CCND3: variants seen among roughly 807,000 people sequenced by gnomAD.
CCND3 encodes G1/S-specific cyclin-D3.
In CCND3, 9 loss-of-function variants were observed where a neutral mutation model predicts 28.7. The observed-to-expected ratio is 0.31, with a 90% CI of 0.19 to 0.55. CCND3 has a LOEUF of 0.55. Ranked by LOEUF, CCND3 falls within the 20% of genes least tolerant of loss-of-function variation. The pLI is 0.93. For synonymous variants in CCND3, 164 were observed against 163.9 expected (o/e 1.00, Z 0.00); for missense variants, 315 against 385.8 (o/e 0.82, Z 1.54).
intron 2 of CCND3, chr6:41,937,871 AG>A: frequency 1.2e-5 from 2 of 172,026 alleles, no homozygotes; most frequent in South Asian, 1.1e-4. Context: ...TCTGCATCCC[AG>A]CCAAGTCCAC....
chr6:41,969,381 T>C (rs1046820953), intron 1 of CCND3, among the ~76,000 whole-genome samples: 5 of 151,294 alleles, frequency 3.3e-5, no homozygotes, highest in Admixed American at 3.3e-4. Context: ...CTGGGCATAG[T>C]GGCGCACGCC....
chr6:41,986,308 T>C (rs534205240), intron 1 of CCND3, among the ~76,000 whole-genome samples: 1 of 152,194 alleles, frequency 6.6e-6, no homozygotes, highest in African/African-American at 2.4e-5. Flanking sequence ...TTTCTATTTC[T>C]GTAAAAAATG....
rs145920031 is a variant in CCND3, at chr6:41,936,226, G to A, written c.712-119C>T. On this transcript the variant is annotated intron_variant, in intron 4 of 4. Coordinates refer to ENST00000372991, the MANE Select transcript of CCND3 (RefSeq NM_001760.5). This position sits in a 1 kb window ranked among gnomAD's most constrained non-coding sequence, Gnocchi z 4.4. ...GTCTGGGGAGGTTAGGCCACAGCCC[G>A]GCCCCAGGAATCGCTCTTTAGTTCT... 59 of 1,121,416 alleles carry A rather than the reference G, an allele frequency of 5.3e-5. No homozygotes were observed. The East Asian group carries it at 9.5e-4, about 18-fold the overall frequency. 69.5% of individuals were successfully genotyped at this position (1,121,416 alleles called of 1,614,324 possible). A position where few individuals can be genotyped will look rare whatever the true frequency, so the allele number is the denominator to read the frequency against.
intron 1 of CCND3, among the ~76,000 whole-genome samples, chr6:41,991,546 G>A (rs144372561): frequency 6.6e-6 from 1 of 152,166 alleles, no homozygotes; most frequent in Non-Finnish European, 1.5e-5. Flanking sequence ...ACAGTGATCA[G>A]AGTAATTAGC....
At chr6:41,981,916 G>C (rs893863427) in intron 1 of CCND3, among the ~76,000 whole-genome samples, 1 of 152,108 alleles carries the variant, frequency 6.6e-6, no homozygotes, top group Admixed American at 6.6e-5. Flanking sequence ...CAGGAGGATT[G>C]CTTGAGCCCA....
intron 1 of CCND3, among the ~76,000 whole-genome samples, chr6:41,949,220 G>A (rs1383328624): frequency 2.6e-5 from 4 of 152,320 alleles, no homozygotes; most frequent in Non-Finnish European, 5.9e-5. Context: ...GGTGGCTCAT[G>A]CCTGTAATCG....
At chr6:41,954,865 C>A (rs1776402052) in intron 1 of CCND3, among the ~76,000 whole-genome samples, 1 of 152,152 alleles carries the variant, frequency 6.6e-6, no homozygotes, top group South Asian at 2.1e-4. Context: ...ATGCCTGGAG[C>A]AGCTGCAGCC....
intron 1 of CCND3, among the ~76,000 whole-genome samples, chr6:41,959,246 G>A (rs960681471): frequency 1.1e-4 from 17 of 152,090 alleles, no homozygotes; most frequent in African/African-American, 7.2e-5. Context: ...ACCAGGAGGC[G>A]GAGGTTGCGG....
intron 1 of CCND3, among the ~76,000 whole-genome samples, chr6:41,964,451 AGTCTGTGTGTGAGT>A (rs1761813310): frequency 9.1e-6 from 1 of 109,534 alleles, no homozygotes; most frequent in Non-Finnish European, 2.0e-5. Flanking sequence ...TGAATGTGTG[AGTCTGTGTGTGAGT>A]GTGTGTGTGA....
chr6:41,981,300 A>G (rs899240059), intron 1 of CCND3, among the ~76,000 whole-genome samples: 1 of 151,832 alleles, frequency 6.6e-6, no homozygotes, highest in Admixed American at 6.6e-5. Flanking sequence ...CCGCCTCCCC[A>G]GTTCAAGCAA....
chr6:42,015,198 G>A (rs1763462355), intron 1 of CCND3, among the ~76,000 whole-genome samples: 1 of 152,082 alleles, frequency 6.6e-6, no homozygotes, highest in Non-Finnish European at 1.5e-5. Flanking sequence ...TTAAACCCAG[G>A]CAGTCCAGCT....
At chr6:42,015,044 T>C (rs907116746) in intron 1 of CCND3, among the ~76,000 whole-genome samples, 1 of 152,206 alleles carries the variant, frequency 6.6e-6, no homozygotes, top group Non-Finnish European at 1.5e-5. Context: ...TACATGTACA[T>C]GCACAAACAC....
At chr6:42,047,567 C>G (rs1484355275) in intron 1 of CCND3, among the ~76,000 whole-genome samples, 1 of 152,134 alleles carries the variant, frequency 6.6e-6, no homozygotes, top group Non-Finnish European at 1.5e-5. Context: ...ACATCACCCC[C>G]AGGTGGACCC....
intron 1 of CCND3, among the ~76,000 whole-genome samples, chr6:41,965,856 C>G (rs933044418): frequency 5.3e-5 from 8 of 152,128 alleles, no homozygotes; most frequent in Admixed American, 1.3e-4. Flanking sequence ...TCTTTAAATC[C>G]GCTTGCATAT....
chr6:41,958,016 T>TTTTTTTTG (rs55718813), intron 1 of CCND3, among the ~76,000 whole-genome samples: 1 of 149,872 alleles, frequency 6.7e-6, no homozygotes, highest in African/African-American at 2.5e-5. Flanking sequence ...TTTTTTTTTT[T>TTTTTTTTG]GAGACAGAAT....
At chr6:41,956,900 A>G (rs1324993174) in intron 1 of CCND3, among the ~76,000 whole-genome samples, 18 of 152,076 alleles carry the variant, frequency 1.2e-4, no homozygotes, top group South Asian at 2.1e-4. Context: ...GCGTGGTGGC[A>G]GGCGCCTGTA....
intron 1 of CCND3, among the ~76,000 whole-genome samples, chr6:41,956,433 C>T (rs1430741299): frequency 4.6e-5 from 7 of 152,222 alleles, no homozygotes; most frequent in Admixed American, 4.6e-4. Context: ...CATTACCAAC[C>T]TGGCCAGAAC....
At chr6:42,000,233 A>ATTTTT (rs1561980601) in intron 1 of CCND3, among the ~76,000 whole-genome samples, 1 of 31,228 alleles carries the variant, frequency 3.2e-5, no homozygotes, top group African/African-American at 1.2e-4. Flanking sequence ...TTGAAAACAT[A>ATTTTT]CTTTTTTTTT....
At position 42,012,562 on chromosome 6, in the gene CCND3, C is replaced by A. The variant is rs183592977; in HGVS notation, c.-46+35939G>T. Among the ~76,000 whole-genome samples, 713 of 152,260 alleles carry A rather than the reference C, an allele frequency of 4.7e-3. 14 individuals carry two copies. Among genetic ancestry groups the A allele is most frequent in the African/African-American group, 0.016 (668 of 41,546 alleles). ...GTTGTAGTGAGCAGAGATGGTGCCA[C>A]TGTACTCCAGCCTGGGAGACAGAGT... is the stretch of plus-strand genomic sequence containing the variant. On this transcript the variant is annotated intron_variant, in intron 1 of 4. Coordinates refer to the CCND3 transcript ENST00000372988.
Sources: gnomAD v4.1 joint callset for allele counts (sites outside exome capture counted in the v4.1 genomes callset) on GRCh38, gnomAD v4.1.1 for gene constraint, Gnocchi (gnomAD v3.1) non-coding constraint, MANE v1.5 for transcripts, NCBI Gene and HGNC (gene_info 2026-07-23, HGNC 2026-07-21) for gene names.